The following CELF4 variants were observed in gnomAD, a reference collection of about 807,000 sequenced individuals.
CELF4 encodes the protein CUG-BP- and ETR-3-like factor 4.
Under a neutral mutation model 59.9 loss-of-function variants are expected in CELF4, and 18 were observed. The ratio of observed to expected loss-of-function variants is 0.30; its 90% CI spans 0.21 to 0.45. The LOEUF (loss-of-function observed/expected upper bound fraction) is 0.45. Among genes scored for constraint, CELF4 ranks in the 20% least tolerant of loss-of-function variants. The pLI is 1.00. For missense variants in CELF4, 456 were observed against 689.0 expected, an observed-to-expected ratio of 0.66 and a Z score of 3.79; for synonymous variants, 261 against 267.1, an observed-to-expected ratio of 0.98 and a Z score of 0.22.
intron 12 of CELF4, among the ~76,000 whole-genome samples, chr18:37,248,718 T>C (rs971054765): frequency 6.6e-6 from 1 of 152,222 alleles, no homozygotes; most frequent in Non-Finnish European, 1.5e-5. Context: ...GATTCAACTT[T>C]CGGCTGACTT....
chr18:37,272,379 G>A (rs894374546), intron 7 of CELF4, among the ~76,000 whole-genome samples: 5 of 152,088 alleles, frequency 3.3e-5, no homozygotes, highest in African/African-American at 9.7e-5. Context: ...AGATGTCCTG[G>A]GGATTCGGGG....
At chr18:37,342,535 C>T (rs1603619691) in intron 2 of CELF4, among the ~76,000 whole-genome samples, 1 of 152,152 alleles carries the variant, frequency 6.6e-6, no homozygotes, top group Admixed American at 6.5e-5. Flanking sequence ...CACCACCCTC[C>T]CCTGTGCTCT....
intron 1 of CELF4, among the ~76,000 whole-genome samples, chr18:37,558,833 G>GTGTT (rs997458069): frequency 6.6e-6 from 1 of 151,336 alleles, no homozygotes; most frequent in East Asian, 2.0e-4. Context: ...GTGTGTGTGT[G>GTGTT]TACACTATAA....
At chr18:37,499,498 C>A (rs1539851) in intron 1 of CELF4, among the ~76,000 whole-genome samples, 22,695 of 152,084 alleles carry the variant, frequency 0.15, 2,081 homozygotes, top group Middle Eastern at 0.28. Context: ...CTGGGAGGGA[C>A]GGGGAGCCCC....
chr18:37,269,074 G>A (rs1270023476), intron 8 of CELF4, among the ~76,000 whole-genome samples: 1 of 152,102 alleles, frequency 6.6e-6, no homozygotes, highest in African/African-American at 2.4e-5. Context: ...GCAGGAAGGG[G>A]TGGGAAATGA....
intron 3 of CELF4, 38 bp downstream of exon 3, chr18:37,321,765 A>C (rs1569562113): frequency 7.0e-7 from 1 of 1,421,666 alleles, no homozygotes; most frequent in Admixed American, 1.7e-5. Context: ...GAGGAGTGAG[A>C]GGGGGAGGGG....
intron 1 of CELF4, among the ~76,000 whole-genome samples, chr18:37,554,048 C>T (rs2099984039): frequency 6.6e-6 from 1 of 152,230 alleles, no homozygotes; most frequent in African/African-American, 2.4e-5. Flanking sequence ...CTAGAGCTAC[C>T]TAGAGCCAGG....
At chr18:37,333,990 G>A (rs2097668207) in intron 2 of CELF4, among the ~76,000 whole-genome samples, 1 of 152,128 alleles carries the variant, frequency 6.6e-6, no homozygotes, top group Non-Finnish European at 1.5e-5. Context: ...GCTGTGCACT[G>A]TTGCTTGATT....
chr18:37,495,362 C>T (rs2154603661), intron 1 of CELF4, among the ~76,000 whole-genome samples: 1 of 152,270 alleles, frequency 6.6e-6, no homozygotes, highest in Admixed American at 6.5e-5. Context: ...CCCTCCTCTC[C>T]AACAGCTTCT....
intron 2 of CELF4, among the ~76,000 whole-genome samples, chr18:37,441,971 G>A (rs534897128): frequency 2.3e-5 from 3 of 127,922 alleles, no homozygotes; most frequent in South Asian, 4.6e-4. Context: ...CACCCAAACC[G>A]CAAAGAACCT....
chr18:37,459,882 G>C (rs1364875554), intron 2 of CELF4, among the ~76,000 whole-genome samples: 2 of 152,174 alleles, frequency 1.3e-5, no homozygotes, highest in Non-Finnish European at 2.9e-5. Flanking sequence ...TGTGTGTGAA[G>C]ATGCTTTCTT....
At chr18:37,404,223 C>T (rs1033174710) in intron 2 of CELF4, among the ~76,000 whole-genome samples, 1 of 152,168 alleles carries the variant, frequency 6.6e-6, no homozygotes, top group Non-Finnish European at 1.5e-5. Flanking sequence ...TCGAGCACAT[C>T]CCCCAACCCC....
At chr18:37,565,115 G>T (rs957018504) in intron 1 of CELF4, among the ~76,000 whole-genome samples, 1 of 151,910 alleles carries the variant, frequency 6.6e-6, no homozygotes, top group Non-Finnish European at 1.5e-5. Flanking sequence ...CTTCATCGGC[G>T]CCCGCTGCTC....
At chr18:37,482,613 T>A (rs2099871161) in intron 2 of CELF4, among the ~76,000 whole-genome samples, 1 of 152,160 alleles carries the variant, frequency 6.6e-6, no homozygotes, top group South Asian at 2.1e-4. Context: ...TGTGGTCTGG[T>A]TTCTGAGCTT....
intron 1 of CELF4, among the ~76,000 whole-genome samples, chr18:37,552,245 C>T (rs928747444): frequency 2.6e-5 from 4 of 152,220 alleles, no homozygotes; most frequent in African/African-American, 7.2e-5. Context: ...CCCACCTTGT[C>T]GGAACAGAGC....
intron 1 of CELF4, among the ~76,000 whole-genome samples, chr18:37,546,201 C>T (rs796295617): frequency 1.1e-4 from 16 of 152,270 alleles, no homozygotes; most frequent in African/African-American, 3.4e-4. Flanking sequence ...TAAAAATTGG[C>T]CCACCCGAGC....
At chr18:37,422,887 G>A (rs139214373) in intron 2 of CELF4, among the ~76,000 whole-genome samples, 407 of 152,240 alleles carry the variant, frequency 2.7e-3, no homozygotes, top group African/African-American at 9.3e-3. Context: ...AATGCTTCTC[G>A]CTTCTGCCAT....
intron 2 of CELF4, among the ~76,000 whole-genome samples, chr18:37,423,415 C>A (rs2099592558): frequency 6.6e-6 from 1 of 152,146 alleles, no homozygotes; most frequent in South Asian, 2.1e-4. Flanking sequence ...GATGGGAAGA[C>A]TGCCTGGAGG....
chr18:37,444,921 C>T (rs926830461), intron 2 of CELF4, among the ~76,000 whole-genome samples: 1 of 152,160 alleles, frequency 6.6e-6, no homozygotes, highest in Admixed American at 6.5e-5. Flanking sequence ...GCTGTTGGAA[C>T]ATCCTGTGTG....
Sources: gnomAD v4.1 joint callset for allele counts (sites outside exome capture counted in the v4.1 genomes callset) on GRCh38, gnomAD v4.1.1 for gene constraint, MANE v1.5 for transcripts, NCBI Gene and HGNC (gene_info 2026-07-23, HGNC 2026-07-21) for gene names.